The following ADAMTSL4 variants were observed in gnomAD, a reference collection of about 807,000 sequenced individuals.
ADAMTSL4 encodes ADAMTS-like protein 4.
Under a neutral mutation model 122.8 loss-of-function variants are expected in ADAMTSL4, and 97 were observed. The observed-to-expected ratio is 0.79, with a 90% CI of 0.67 to 0.93. The LOEUF (loss-of-function observed/expected upper bound fraction) is 0.93. Among genes scored for constraint, ADAMTSL4 ranks in the 40% least tolerant of loss-of-function variants. The pLI, the probability that ADAMTSL4 is intolerant of heterozygous loss-of-function variation, is 0.00. For synonymous variants in ADAMTSL4, 592 were observed against 568.0 expected (o/e 1.04, Z -0.60); for missense variants, 1,408 against 1,453.5 (o/e 0.97, Z 0.51).
rs2101622904 is a variant in ADAMTSL4, at chr1:150,556,275, G to C, written c.1485G>C (p.Gly495=). The C allele has an allele frequency of 6.2e-7, 1 of 1,614,142 alleles. No individual in the cohort carries two copies. Among genetic ancestry groups the C allele is most frequent in the Admixed American group, 1.7e-5 (1 of 60,026 alleles). ...TTTCGGGGAACCTCACTGACCGAGG[G>C]GGCCCCCTGGGCTATCAGAAGATCT... is the stretch of plus-strand genomic sequence containing the variant. The part of the protein sequence containing the change: ...RLVSGNLTDR[G]GPLGYQKILW... The change falls in exon 9 of 19, where the codon GGG becomes GGC. Residue 495 remains glycine (G), a synonymous_variant. Transcript: ENST00000271643. The surrounding 1 kb of genome is among the most constrained non-coding windows in gnomAD (Gnocchi z 4.1).
Position 150,560,302 on chromosome 1 carries a change from G to T in ADAMTSL4, c.*106G>T. ...TCCAGCCTGTCCCAGTCTCAGCAGG[G>T]ATGTCCTCCAGGTGACAGAGGGTGG... On this transcript the variant is annotated 3_prime_UTR_variant, in exon 19 of 19. Coordinates refer to ENST00000271643, the MANE Select transcript of ADAMTSL4 (RefSeq NM_019032.6). The T allele has an allele frequency of 6.6e-7, 1 of 1,522,480 alleles. No individual in the cohort carries two copies. The highest frequency in any genetic ancestry group is 8.9e-7 in the Non-Finnish European group (1 of 1,127,122). The allele number at this position is 1,522,480 out of a possible 1,614,324, so 94.3% of individuals were successfully genotyped here. A position where few individuals can be genotyped will look rare whatever the true frequency, so the allele number is the denominator to read the frequency against.
In ADAMTSL4 at chr1:150,554,011, C is replaced by T. The variant is rs1671733837; in HGVS notation, c.1020C>T (p.Pro340=). The change falls in exon 6 of 19, where the codon CCC becomes CCT. Residue 340 remains proline (P), a synonymous_variant. Transcript: ENST00000271643. This position sits in a 1 kb window ranked among gnomAD's most constrained non-coding sequence, Gnocchi z 4.0. ...PDPQHPGAWL[P]LLSNGPHASS... is the part of the protein sequence containing the mutation. ...CTCAGCACCCGGGCGCCTGGCTGCC[C>T]CTGCTGAGCAACGGCCCCCATGCCA... The T allele has an allele frequency of 1.2e-6, 2 of 1,612,028 alleles. No individual in the cohort carries two copies. Among genetic ancestry groups the T allele is most frequent in the Non-Finnish European group, 8.5e-7 (1 of 1,179,896 alleles).
At chr1:150,550,287 TA>T (rs1179824441) in intron 2 of ADAMTSL4, 1 of 448,518 alleles carries the variant, frequency 2.2e-6, no homozygotes, top group East Asian at 7.2e-5. Flanking sequence ...GTGAGAAGCA[TA>T]AATGTGCGTG....
chr1:150,558,806 G>A, intron 15 of ADAMTSL4, 156 bp from the exon 16 acceptor site: 1 of 1,543,266 alleles, frequency 6.5e-7, no homozygotes, highest in South Asian at 1.2e-5. Flanking sequence ...ACTTCCATGA[G>A]GGGCCCGGCT....
intron 2 of ADAMTSL4, chr1:150,550,170 G>C: frequency 2.2e-6 from 1 of 455,170 alleles, no homozygotes; most frequent in South Asian, 1.6e-5. Context: ...GGAGGAGCCC[G>C]CGTTTGTCCA....
chr1:150,555,109 C>A lies in ADAMTSL4; in HGVS notation c.1235-320C>A, dbSNP rs189743555. 4.9e-3 allele frequency among the ~76,000 whole-genome samples: 752 copies of A among 152,090 alleles called. 26 individuals are homozygous for A. The highest frequency in any genetic ancestry group is 0.046 in the Admixed American group (697 of 15,274). ...GGTTCAAGCAATTCTCCTGCCTCAG[C>A]CTCCCGAGTAGCTGGGACTACAGGC... On this transcript the variant is annotated intron_variant, in intron 7 of 18. Coordinates refer to ENST00000271643, the MANE Select transcript of ADAMTSL4 (RefSeq NM_019032.6).
rs1176594701 is a variant in ADAMTSL4, at chr1:150,553,044, A to G, written c.225A>G (p.Thr75=). Residue 75 remains threonine, a synonymous_variant, in exon 5 of 19, where the codon ACA becomes ACG. Coordinates refer to ENST00000271643, the MANE Select transcript of ADAMTSL4 (RefSeq NM_019032.6). ...QRRSRTCQLP[T]VQLHPSLPLP... ...GGAGCCGGACATGTCAGCTCCCTAC[A>G]GTGCAGCTCCACCCGAGTCTGCCCC... The G allele has an allele frequency of 6.2e-7, 1 of 1,613,216 alleles. No homozygotes were observed. The highest frequency in any genetic ancestry group is 1.7e-5 in the Admixed American group (1 of 59,992).
rs1672673500 is a variant in ADAMTSL4 at position 150,560,795 on chromosome 1, G to C, written c.*599G>C. ...TGCCTCTCCAGAGCAAGGCCCAGCTGGGCAGAGGGTGAAAAAGAGAAATGT... is the reference window on the plus strand; with the variant it reads ...TGCCTCTCCAGAGCAAGGCCCAGCTCGGCAGAGGGTGAAAAAGAGAAATGT... On this transcript the variant is annotated 3_prime_UTR_variant, in exon 19 of 19. Transcript: ENST00000271643. The C allele has an allele frequency of 6.3e-6, 1 of 159,890 alleles. No individual in the cohort carries two copies. The highest frequency in any genetic ancestry group is 1.4e-5 in the Non-Finnish European group (1 of 72,004). The allele number at this position is 159,890 out of a possible 1,614,324, so 9.9% of individuals were successfully genotyped here.
rs1174638072 is a variant in ADAMTSL4, at chr1:150,559,159, G to A, written c.2757G>A (p.Trp919Ter). The change falls in exon 16 of 19, where the codon TGG (tryptophan) becomes TGA (stop). Residue 919 changes from tryptophan (W) to a stop codon, truncating the protein, a stop_gained. Coordinates refer to ENST00000271643, the MANE Select transcript of ADAMTSL4 (RefSeq NM_019032.6). LOFTEE classifies it high-confidence loss of function. This position sits in a 1 kb window ranked among gnomAD's most constrained non-coding sequence, Gnocchi z 4.1. ...ERTWRWYTGP[W>*]GECSSECGSG... ...CTTGGCGCTGGTACACAGGGCCCTG[G>A]GGTGAGGTAAGCTGAGCGCCTGCTG... 1 of 1,612,534 alleles carries A rather than the reference G, an allele frequency of 6.2e-7. No individual in the cohort carries two copies. Among genetic ancestry groups the A allele is most frequent in the Admixed American group, 1.7e-5 (1 of 59,892 alleles).
At chr1:150,555,813 G>GCA (rs373367825) in intron 8 of ADAMTSL4, 9 of 626,064 alleles carry the variant, frequency 1.4e-5, no homozygotes, top group South Asian at 7.3e-5. Flanking sequence ...ATGAACACAT[G>GCA]CACACACACG....
At chr1:150,555,888 C>T (rs1044033406) in intron 8 of ADAMTSL4, 23 of 602,504 alleles carry the variant, frequency 3.8e-5, no homozygotes, top group African/African-American at 3.1e-4. Context: ...TGCACACACA[C>T]GTATTTGCAC....
At chr1:150,550,620 G>T in intron 2 of ADAMTSL4, 1 of 399,824 alleles carries the variant, frequency 2.5e-6, no homozygotes, top group Non-Finnish European at 5.1e-6. Context: ...CTCAGCTGGA[G>T]TAACAAGAGT....
At chr1:150,555,695 A>G (rs946554441) in intron 8 of ADAMTSL4, 130 bp downstream of exon 8, 2 of 1,307,708 alleles carry the variant, frequency 1.5e-6, no homozygotes, top group Non-Finnish European at 2.1e-6. Context: ...ACACACGCAT[A>G]TGCGCACAGA....
At position 150,557,580 on chromosome 1, in the gene ADAMTSL4, C is replaced by A; in HGVS notation, c.2134C>A (p.Pro712Thr). 6.2e-7 allele frequency: 1 copy of A among 1,604,814 alleles called. No homozygotes were observed. The highest frequency in any genetic ancestry group is 8.5e-7 in the Non-Finnish European group (1 of 1,176,138). Reference sequence around the variant, plus strand: ...CAGCTGTGCCGCGGGTGCCAGGCCCCCAGCCTCCCCTGAACCCTGCCACGG... The same window carrying A: ...CAGCTGTGCCGCGGGTGCCAGGCCCACAGCCTCCCCTGAACCCTGCCACGG... ...ERSCAAGARP[P>T]ASPEPCHGTP... Residue 712 changes from proline (P) to threonine (T), a missense_variant, in exon 13 of 19, where the codon CCA (proline) becomes ACA (threonine). Transcript: ENST00000271643.
chr1:150,555,719 G>A (rs28396573), intron 8 of ADAMTSL4, among the ~76,000 whole-genome samples, 154 bp downstream of exon 8: 22 of 147,836 alleles, frequency 1.5e-4, no homozygotes, highest in South Asian at 2.1e-4. Flanking sequence ...ATGCACACAC[G>A]CACACACACA....
intron 8 of ADAMTSL4, chr1:150,555,944 G>A (rs1672061308): frequency 3.2e-6 from 2 of 622,162 alleles, no homozygotes; most frequent in Admixed American, 2.7e-5. Flanking sequence ...CACTGAGGGA[G>A]AATTCTCACC....
chr1:150,557,318 C>T lies in ADAMTSL4; in HGVS notation c.2030C>T (p.Ser677Leu), dbSNP rs1472507865. 1 of 1,611,424 alleles carries T rather than the reference C, an allele frequency of 6.2e-7. No individual in the cohort carries two copies. Among genetic ancestry groups the T allele is most frequent in the Non-Finnish European group, 8.5e-7 (1 of 1,179,194 alleles). ...AAACGAGTGGGACACTCTGCATGCT[C>T]AGCGTCCTGCGGGAAAGGTGAGACA... ...YWKRVGHSAC[S>L]ASCGKGVWRP... The change falls in exon 12 of 19, where the codon TCA becomes TTA. Residue 677 changes from serine (S) to leucine (L), a missense_variant. Coordinates refer to ENST00000271643, the MANE Select transcript of ADAMTSL4 (RefSeq NM_019032.6).
In ADAMTSL4 at chr1:150,559,595, C is replaced by G; in HGVS notation, c.2943+129C>G. The G allele has an allele frequency of 6.4e-7, 1 of 1,553,200 alleles. No homozygotes were observed. The highest frequency in any genetic ancestry group is 1.1e-5 in the South Asian group (1 of 88,292). On this transcript the variant is annotated intron_variant, in intron 17 of 18. Coordinates refer to ENST00000271643, the MANE Select transcript of ADAMTSL4 (RefSeq NM_019032.6). This position sits in a 1 kb window ranked among gnomAD's most constrained non-coding sequence, Gnocchi z 4.1. ...AGCCCAGCCAAGCGTTACCACTGTC[C>G]TACTTCTTATAGACTTGGAGGAAAG...
In ADAMTSL4 at chr1:150,553,468, T is replaced by C. The variant is rs376791448; in HGVS notation, c.477T>C (p.Tyr159=). 3.7e-6 allele frequency: 6 copies of C among 1,613,808 alleles called. No homozygotes were observed. Among genetic ancestry groups the C allele is most frequent in the East Asian group, 4.5e-5 (2 of 44,862 alleles). ...RDPIKPGMFG[Y]GRVPFALPLH... ...CCATCAAGCCAGGAATGTTCGGTTA[T>C]GGGAGAGTGCCCTTTGCATTGCCAC... The change falls in exon 6 of 19, where the codon TAT becomes TAC. Residue 159 remains tyrosine, a synonymous_variant. Transcript: ENST00000271643.
Sources: allele counts gnomAD v4.1 joint callset (sites outside exome capture counted in the v4.1 genomes callset), GRCh38; gene constraint gnomAD v4.1.1; non-coding constraint Gnocchi (gnomAD v3.1); transcripts MANE v1.5; gene names NCBI Gene and HGNC (gene_info 2026-07-23, HGNC 2026-07-21).